DDX11: variants seen among roughly 807,000 people sequenced by gnomAD.
DDX11 encodes ATP-dependent DNA helicase DDX11.
Under a neutral mutation model 125.2 loss-of-function variants are expected in DDX11, and 72 were observed. The observed-to-expected ratio is 0.58, with a 90% CI of 0.48 to 0.70. DDX11 has a LOEUF of 0.70. Among genes scored for constraint, DDX11 ranks in the 30% least tolerant of loss-of-function variants. The pLI is 0.00. For synonymous variants in DDX11, 347 were observed against 452.6 expected, an observed-to-expected ratio of 0.77 and a Z score of 2.96; for missense variants, 883 against 1,165.0, an observed-to-expected ratio of 0.76 and a Z score of 3.52.
intron 18 of DDX11, among the ~76,000 whole-genome samples, chr12:31,099,196 T>C (rs966199841): frequency 6.7e-6 from 1 of 148,932 alleles, no homozygotes. Context: ...CAAGCGATTC[T>C]CATGCCTCAA....
chr12:31,101,848 C>G lies in DDX11; in HGVS notation c.2068C>G (p.Arg690Gly). 1 of 1,613,926 alleles carries G rather than the reference C, an allele frequency of 6.2e-7. No individual in the cohort carries two copies. The highest frequency in any genetic ancestry group is 8.5e-7 in the Non-Finnish European group (1 of 1,179,858). ...CCTTCCTTAGATGGACGAGGTGGGTCGCATTCTCTGTAACCTGTGCGGTGT... is the reference window on the plus strand; with the variant it reads ...CCTTCCTTAGATGGACGAGGTGGGTGGCATTCTCTGTAACCTGTGCGGTGT... ...ELPQMMDEVG[R>G]ILCNLCGVVP... The change falls in exon 21 of 27, where the codon CGC (arginine) becomes GGC (glycine). Residue 690 changes from arginine to glycine, a missense_variant. Around this residue, in one of 5 missense-constraint regions of DDX11, gnomAD observed 285 missense variants for 346.0 expected, o/e 0.82. Coordinates refer to ENST00000542838, the MANE Select transcript of DDX11 (RefSeq NM_030653.4).
rs1197922068 is a variant in DDX11, at chr12:31,101,837, A to G, written c.2057A>G (p.Asp686Gly). Residue 686 changes from aspartate to glycine, a missense_variant, in exon 21 of 27, where the codon GAC becomes GGC. By Grantham distance (94) the Asp-to-Gly change is moderately conservative. Around this residue, in one of 5 missense-constraint regions of DDX11, gnomAD observed 285 missense variants for 346.0 expected, o/e 0.82. Coordinates refer to ENST00000542838, the MANE Select transcript of DDX11 (RefSeq NM_030653.4). ...FQKRELPQMM[D>G]EVGRILCNLC... is the part of the protein sequence containing the mutation. ...CTCCCTCCTTTCCTTCCTTAGATGG[A>G]CGAGGTGGGTCGCATTCTCTGTAAC... is the stretch of plus-strand genomic sequence containing the variant. 1.2e-6 allele frequency: 2 copies of G among 1,613,686 alleles called. No individual in the cohort carries two copies. Among genetic ancestry groups the G allele is most frequent in the African/African-American group, 2.7e-5 (2 of 74,844 alleles).
At chr12:31,078,096 G>A in intron 1 of DDX11, 1 of 831,020 alleles carries the variant, frequency 1.2e-6, no homozygotes, top group Non-Finnish European at 1.8e-6. Context: ...CTTTTGTAGA[G>A]GCATTAGAAA....
Position 31,096,391 on chromosome 12 carries a change from C to CT in DDX11, c.1521+12_1521+13insT, listed in dbSNP as rs779164082. The CT allele has an allele frequency of 3.1e-6, 5 of 1,613,258 alleles. No homozygotes were observed. In the South Asian group the frequency reaches 4.4e-5, roughly 14 times the overall value. ...TGATCAGCAGAAAGGTAACTGCTCC[C>CT]ATCTTGTGGTCCTGAACAAGACCCA... On this transcript the variant is annotated intron_variant, in intron 15 of 26. Coordinates refer to ENST00000542838, the MANE Select transcript of DDX11 (RefSeq NM_030653.4).
chr12:31,084,029 A>G lies in DDX11; in HGVS notation c.361A>G (p.Lys121Glu). 6.2e-7 allele frequency: 1 copy of G among 1,613,894 alleles called. No homozygotes were observed. The highest frequency in any genetic ancestry group is 8.5e-7 in the Non-Finnish European group (1 of 1,179,858). ...CTGGGTTACTCAGTTTGTGCAGAAG[A>G]AAGAAGAGAGGGACCTGGTGGACCG... ...PAWVTQFVQK[K>E]EERDLVDRLK... The change falls in exon 3 of 27, where the codon AAA becomes GAA. Residue 121 changes from lysine (K) to glutamate (E), a missense_variant. By Grantham distance (56) the Lys-to-Glu change is moderately conservative. Coordinates refer to ENST00000542838, the MANE Select transcript of DDX11 (RefSeq NM_030653.4).
At position 31,073,871 on chromosome 12, in the gene DDX11, T is replaced by G. The variant is rs1354808962; in HGVS notation, c.-225T>G. ...GCGCAGCGGCGGGGGTTGTTCCGGC[T>G]GCCTTTCACTGAGGGGACCCGCCAG... On this transcript the variant is annotated 5_prime_UTR_variant, in exon 1 of 27. Transcript: ENST00000542838. The G allele has an allele frequency of 2.0e-5, 3 of 152,238 alleles. No homozygotes were observed. The highest frequency in any genetic ancestry group is 7.2e-5 in the African/African-American group (3 of 41,468). 9.4% of individuals were successfully genotyped at this position (152,238 alleles called of 1,614,324 possible).
At chr12:31,084,839 G>C (rs1429726405) in intron 4 of DDX11, 130 bp from the exon 5 acceptor site, 4 of 1,199,420 alleles carry the variant, frequency 3.3e-6, no homozygotes, top group Non-Finnish European at 4.8e-6. Context: ...CCTAGGAGTC[G>C]ACCTCTCTCC....
At position 31,103,377 on chromosome 12, in the gene DDX11, G is replaced by T. The variant is rs1329469321; in HGVS notation, c.2518G>T (p.Ala840Ser). Residue 840 changes from alanine to serine, a missense_variant, in exon 25 of 27, where the codon GCC becomes TCC. Ala to Ser is a moderately conservative substitution (Grantham distance 99, BLOSUM62 1). Coordinates refer to ENST00000542838, the MANE Select transcript of DDX11 (RefSeq NM_030653.4). ...TCTGGTGGAGAACCTGTGCATGAAG[G>T]CCGTCAACCAGTCCATAGGTGAGCC... ...KALVENLCMKAVNQSIGRAIR... is the reference protein window; with the variant it reads ...KALVENLCMKSVNQSIGRAIR... 9 of 1,609,862 alleles carry T rather than the reference G, an allele frequency of 5.6e-6. No individual in the cohort carries two copies. Among genetic ancestry groups the T allele is most frequent in the Non-Finnish European group, 7.6e-6 (9 of 1,178,952 alleles).
intron 1 of DDX11, among the ~76,000 whole-genome samples, chr12:31,076,074 G>C (rs1202319781): frequency 2.0e-5 from 3 of 152,212 alleles, no homozygotes; most frequent in Non-Finnish European, 4.4e-5. Context: ...GAGGCTGGGA[G>C]CCTGACCAGT....
chr12:31,099,080 C>CTTTTTTTTTT (rs1467965765), intron 18 of DDX11, among the ~76,000 whole-genome samples: 932 of 80,782 alleles, frequency 0.012, 62 homozygotes, highest in Non-Finnish European at 0.015. Context: ...TTCTTTCTTT[C>CTTTTTTTTTT]TTTCTTTTTT....
At chr12:31,089,845 G>T (rs1406021240) in intron 8 of DDX11, 41 bp from the exon 9 acceptor site, 6 of 1,609,574 alleles carry the variant, frequency 3.7e-6, no homozygotes, top group Non-Finnish European at 3.4e-6. Context: ...GACAGTTGCT[G>T]TCCTCTCTGT....
At position 31,096,735 on chromosome 12, in the gene DDX11, G is replaced by A. The variant is rs1429358198; in HGVS notation, c.1620G>A (p.Arg540=). The change falls in exon 16 of 27, where the codon AGG becomes AGA. Residue 540 remains arginine, a synonymous_variant. Coordinates refer to ENST00000542838, the MANE Select transcript of DDX11 (RefSeq NM_030653.4). The stretch of plus-strand genomic sequence containing the variant: ...AATTCCTGCAGAGCCTGCAGCCCAG[G>A]ACGACTGAAGGTGAGGCAGGAGGGT... ...FQQFLQSLQP[R]TTEALAAPAD... 11 of 1,614,218 alleles carry A rather than the reference G, an allele frequency of 6.8e-6. No individual in the cohort carries two copies. The highest frequency in any genetic ancestry group is 2.2e-5 in the South Asian group (2 of 91,088).
At chr12:31,095,884 T>G (rs1945139193) in intron 14 of DDX11, among the ~76,000 whole-genome samples, 1 of 152,074 alleles carries the variant, frequency 6.6e-6, no homozygotes, top group African/African-American at 2.4e-5. Context: ...GGCTCCAAAC[T>G]CCTCATCTCT....
At chr12:31,102,371 T>C (rs941359984) in intron 22 of DDX11, 56 bp from the exon 23 acceptor site, 1 of 1,609,408 alleles carries the variant, frequency 6.2e-7, no homozygotes. Context: ...CTGGAAACGT[T>C]GTGGGTGTCA....
At chr12:31,083,208 A>G (rs1213106824) in intron 2 of DDX11, among the ~76,000 whole-genome samples, 2 of 152,016 alleles carry the variant, frequency 1.3e-5, no homozygotes, top group African/African-American at 4.8e-5. Context: ...GGCTGAGGCC[A>G]GAGAACTGTG....
chr12:31,102,209 C>A, intron 21 of DDX11, 34 bp from the exon 22 acceptor site: 2 of 1,608,228 alleles, frequency 1.2e-6, no homozygotes, highest in South Asian at 1.1e-5. Context: ...GCACCCTGAA[C>A]CTGTCTCTGG....
chr12:31,102,919 T>C lies in DDX11; in HGVS notation c.2373-17T>C, dbSNP rs770510803. 1.2e-6 allele frequency: 2 copies of C among 1,613,618 alleles called. No individual in the cohort carries two copies. The highest frequency in any genetic ancestry group is 2.2e-5 in the South Asian group (2 of 91,070). On this transcript the variant is annotated splice_polypyrimidine_tract_variant and intron_variant, in intron 23 of 26. Coordinates refer to ENST00000542838, the MANE Select transcript of DDX11 (RefSeq NM_030653.4). Reference sequence around the variant, plus strand: ...GTCCTGACGTCCACCTGCTGGGCTCTTGTCTCCCCCGCCCAGGTGTGTGGT... The same window carrying C: ...GTCCTGACGTCCACCTGCTGGGCTCCTGTCTCCCCCGCCCAGGTGTGTGGT...
At position 31,078,983 on chromosome 12, in the gene DDX11, G is replaced by A. The variant is rs141168178; in HGVS notation, c.144+446G>A. Among the ~76,000 whole-genome samples, 11 of 152,232 alleles carry A rather than the reference G, an allele frequency of 7.2e-5. No homozygotes were observed. The East Asian group carries it at 1.9e-3, about 27-fold the overall frequency. On this transcript the variant is annotated intron_variant, in intron 2 of 26. Coordinates refer to ENST00000542838, the MANE Select transcript of DDX11 (RefSeq NM_030653.4). ...ATTACAGGCATGAGTCACCGTGCCC[G>A]GCCTAAAGTCTTAAACATAGCTCTG... is the stretch of plus-strand genomic sequence containing the variant.
chr12:31,081,943 G>T (rs1447445994), intron 2 of DDX11, among the ~76,000 whole-genome samples: 8 of 127,352 alleles, frequency 6.3e-5, no homozygotes, highest in African/African-American at 2.6e-4. Flanking sequence ...TCTAACCATT[G>T]TGTCTCCCAG....
Sources: allele counts gnomAD v4.1 joint callset (sites outside exome capture counted in the v4.1 genomes callset), GRCh38; gene constraint gnomAD v4.1.1; regional missense constraint gnomAD v4.1.1; transcripts MANE v1.5; gene names NCBI Gene and HGNC (gene_info 2026-07-23, HGNC 2026-07-21).